PLA2G2D: variants seen among roughly 807,000 people sequenced by gnomAD.
PLA2G2D encodes the protein phospholipase A2 group IID, also known as group IID secretory phospholipase A2.
A neutral mutation model predicts 13.9 loss-of-function variants in PLA2G2D; 17 were observed. The ratio of observed to expected loss-of-function variants is 1.23; its 90% CI spans 0.84 to 1.84. PLA2G2D has a LOEUF of 1.84. PLA2G2D is among the 40% of genes most tolerant of loss of function. The pLI, the probability that PLA2G2D is intolerant of heterozygous loss-of-function variation, is 0.00. For missense variants in PLA2G2D, 194 were observed against 178.7 expected (o/e 1.09, Z -0.49); for synonymous variants, 83 against 69.3 (o/e 1.20, Z -0.98).
At chr1:20,115,440 A>T in intron 3 of PLA2G2D, 67 bp downstream of exon 3, 1 of 896,860 alleles carries the variant, frequency 1.1e-6, no homozygotes, top group Non-Finnish European at 1.9e-6. Flanking sequence ...CTGTGCTGTG[A>T]AGGCAGTGGG....
At chr1:20,116,555 C>T (rs1177931626) in intron 1 of PLA2G2D, 78 bp from the exon 2 acceptor site, 1 of 1,357,672 alleles carries the variant, frequency 7.4e-7, no homozygotes, top group Non-Finnish European at 1.1e-6. Context: ...GACGGCACCT[C>T]TGCTCTGCCC....
rs943097402 is a variant in PLA2G2D, at chr1:20,113,569, A to T, written c.*545T>A. 1.3e-5 allele frequency: 2 copies of T among 151,928 alleles called. No homozygotes were observed. Among genetic ancestry groups the T allele is most frequent in the Non-Finnish European group, 1.5e-5 (1 of 68,112 alleles). 9.4% of individuals were successfully genotyped at this position (151,928 alleles called of 1,614,324 possible). Reference sequence around the variant, plus strand: ...GGGCACCAGGGATGCAACTGAGTTTAAGACAGGCATGGCCTCCACCTGCAG... The same window carrying T: ...GGGCACCAGGGATGCAACTGAGTTTTAGACAGGCATGGCCTCCACCTGCAG... On this transcript the variant is annotated 3_prime_UTR_variant, in exon 4 of 4. Transcript: ENST00000375105.
chr1:20,113,977 G>A lies in PLA2G2D; in HGVS notation c.*137C>T. On this transcript the variant is annotated 3_prime_UTR_variant, in exon 4 of 4. Transcript: ENST00000375105. ...TCGGAAAGCTTCAGAAGGTCAGAAGGCATTGGTAGAGGGTTCCGGGGGAGG... is the reference window on the plus strand; with the variant it reads ...TCGGAAAGCTTCAGAAGGTCAGAAGACATTGGTAGAGGGTTCCGGGGGAGG... 1.5e-6 allele frequency: 1 copy of A among 687,038 alleles called. No individual in the cohort carries two copies. Among genetic ancestry groups the A allele is most frequent in the Non-Finnish European group, 2.5e-6 (1 of 403,028 alleles). 42.6% of individuals were successfully genotyped at this position (687,038 alleles called of 1,614,324 possible). A position where few individuals can be genotyped will look rare whatever the true frequency, so the allele number is the denominator to read the frequency against.
chr1:20,115,607 G>A lies in PLA2G2D; in HGVS notation c.192C>T (p.Cys64=). 2 of 1,604,682 alleles carry A rather than the reference G, an allele frequency of 1.2e-6. No homozygotes were observed. The highest frequency in any genetic ancestry group is 1.7e-6 in the Non-Finnish European group (2 of 1,171,560). The stretch of plus-strand genomic sequence containing the variant: ...GGTCATAGCAGCAGTCATGGGTCTG[G>A]CAGCACCTGGAGCAGACAGGGTGCA... ...GQPKDATDWC[C]QTHDCCYDHL... is the part of the protein sequence containing the mutation. Residue 64 remains cysteine (C), a synonymous_variant, in exon 3 of 4, where the codon TGC becomes TGT. Transcript: ENST00000375105.
chr1:20,119,435 G>T (rs1259225010), intron 1 of PLA2G2D, 24 bp downstream of exon 1: 6 of 1,607,148 alleles, frequency 3.7e-6, no homozygotes, highest in Non-Finnish European at 5.1e-6. Context: ...TCCCTTCCCA[G>T]CCTGGGTCCC....
At chr1:20,115,974 G>A (rs575155460) in intron 2 of PLA2G2D, among the ~76,000 whole-genome samples, 20 of 152,208 alleles carry the variant, frequency 1.3e-4, no homozygotes, top group African/African-American at 3.6e-4. Flanking sequence ...GGCTCTCACC[G>A]CTCCTCTAGC....
In PLA2G2D at chr1:20,113,857, T is replaced by G; in HGVS notation, c.*257A>C. The G allele has an allele frequency of 4.9e-6, 2 of 405,014 alleles. No individual in the cohort carries two copies. Among genetic ancestry groups the G allele is most frequent in the Non-Finnish European group, 8.9e-6 (2 of 225,790 alleles). The allele number at this position is 405,014 out of a possible 1,614,324, so 25.1% of individuals were successfully genotyped here. A position where few individuals can be genotyped will look rare whatever the true frequency, so the allele number is the denominator to read the frequency against. On this transcript the variant is annotated 3_prime_UTR_variant, in exon 4 of 4. Transcript: ENST00000375105. ...CCCCTCCCCCACCCCGATGCTTTGG[T>G]CCAAACACCACCTCTGAGGGCTCCC...
intron 3 of PLA2G2D, among the ~76,000 whole-genome samples, 187 bp from the exon 4 acceptor site, chr1:20,114,446 G>A (rs2016943327): frequency 6.6e-6 from 1 of 152,200 alleles, no homozygotes; most frequent in African/African-American, 2.4e-5. Flanking sequence ...TGCACCTTCA[G>A]TTATTTATTC....
In PLA2G2D at chr1:20,118,667, G is replaced by A. The variant is rs531607783; in HGVS notation, c.40+792C>T. 2.0e-5 allele frequency among the ~76,000 whole-genome samples: 3 copies of A among 152,328 alleles called. No individual in the cohort carries two copies. In the South Asian group the frequency reaches 6.2e-4, roughly 32 times the overall value. ...AGGGGGTTGTACCCATTTTACAGATGAGGATATTGAAAGGTTTGGTGATTT... is the reference window on the plus strand; with the variant it reads ...AGGGGGTTGTACCCATTTTACAGATAAGGATATTGAAAGGTTTGGTGATTT... On this transcript the variant is annotated intron_variant, in intron 1 of 3. Coordinates refer to ENST00000375105, the MANE Select transcript of PLA2G2D (RefSeq NM_012400.4).
Position 20,114,002 on chromosome 1 carries a change from G to C in PLA2G2D, c.*112C>G. 1 of 952,708 alleles carries C rather than the reference G, an allele frequency of 1.0e-6. No homozygotes were observed. Among genetic ancestry groups the C allele is most frequent in the African/African-American group, 1.6e-5 (1 of 60,766 alleles). The allele number at this position is 952,708 out of a possible 1,614,324, so 59.0% of individuals were successfully genotyped here. A position where few individuals can be genotyped will look rare whatever the true frequency, so the allele number is the denominator to read the frequency against. The stretch of plus-strand genomic sequence containing the variant: ...GCATTGGTAGAGGGTTCCGGGGGAG[G>C]CTGGGACTACCTCCCCCCGGAGTGT... On this transcript the variant is annotated 3_prime_UTR_variant, in exon 4 of 4. Coordinates refer to ENST00000375105, the MANE Select transcript of PLA2G2D (RefSeq NM_012400.4).
chr1:20,115,737 C>T (rs1007848160), intron 2 of PLA2G2D, 124 bp from the exon 3 acceptor site: 2 of 699,578 alleles, frequency 2.9e-6, no homozygotes, highest in South Asian at 3.1e-5. Flanking sequence ...GGGCTGCAGT[C>T]TTCCTCAGGA....
rs2016938472 is a variant in PLA2G2D, at chr1:20,114,212, C to T, written c.340G>A (p.Glu114Lys). 2.5e-6 allele frequency: 4 copies of T among 1,613,974 alleles called. No individual in the cohort carries two copies. Among genetic ancestry groups the T allele is most frequent in the Non-Finnish European group, 3.4e-6 (4 of 1,179,988 alleles). ...TTGCGCTTCAGGCAGAAGGCCACCTCCTTGTCACAGGCACACAGCTGCTGC... is the reference window on the plus strand; with the variant it reads ...TTGCGCTTCAGGCAGAAGGCCACCTTCTTGTCACAGGCACACAGCTGCTGC... Reference protein sequence around the residue: ...CEQQLCACDKEVAFCLKRNLD... With the variant: ...CEQQLCACDKKVAFCLKRNLD... The change falls in exon 4 of 4, where the codon GAG (glutamate) becomes AAG (lysine). Residue 114 changes from glutamate (E) to lysine (K), a missense_variant. Glu to Lys is a moderately conservative substitution (Grantham distance 56). Coordinates refer to ENST00000375105, the MANE Select transcript of PLA2G2D (RefSeq NM_012400.4).
At chr1:20,119,355 C>G in intron 1 of PLA2G2D, 104 bp downstream of exon 1, 1 of 1,022,596 alleles carries the variant, frequency 9.8e-7, no homozygotes, top group Non-Finnish European at 1.6e-6. Context: ...GGGGGCCAGG[C>G]TCCTGGGGAT....
chr1:20,115,852 T>C (rs1341619524), intron 2 of PLA2G2D, among the ~76,000 whole-genome samples: 1 of 152,202 alleles, frequency 6.6e-6, no homozygotes, highest in Non-Finnish European at 1.5e-5. Context: ...GAGGTACTCA[T>C]ATTATCCGCT....
In PLA2G2D at chr1:20,119,483, G is replaced by A; in HGVS notation, c.16C>T (p.Leu6=). 1 of 1,613,876 alleles carries A rather than the reference G, an allele frequency of 6.2e-7. No individual in the cohort carries two copies. Among genetic ancestry groups the A allele is most frequent in the Non-Finnish European group, 8.5e-7 (1 of 1,179,856 alleles). Residue 6 remains leucine, a synonymous_variant, in exon 1 of 4, where the codon CTG becomes TTG. Coordinates refer to ENST00000375105, the MANE Select transcript of PLA2G2D (RefSeq NM_012400.4). The part of the protein sequence containing the change: MELAL[L]CGLVVMAGVI... ...CCAGCCATCACCACCAGCCCACACA[G>A]CAGTGCAAGTTCCATGATCCCAGCA...
rs1489500972 is a variant in PLA2G2D at position 20,116,459 on chromosome 1, C to T, written c.59G>A (p.Gly20Asp). ...VVMAGVIPIQ[G>D]GILNLNKMVK... ...CATCTTGTTCAGGTTCAGGATCCCG[C>T]CCTGGATTGGAATCACACCTGCCAA... Residue 20 changes from glycine to aspartate, a missense_variant, in exon 2 of 4, where the codon GGC (glycine) becomes GAC (aspartate). By Grantham distance (94) the Gly-to-Asp change is moderately conservative (BLOSUM62 -1). Coordinates refer to ENST00000375105, the MANE Select transcript of PLA2G2D (RefSeq NM_012400.4). The T allele has an allele frequency of 1.2e-6, 2 of 1,614,094 alleles. No individual in the cohort carries two copies.
chr1:20,117,734 G>T (rs1557768325), intron 1 of PLA2G2D, among the ~76,000 whole-genome samples: 1 of 152,140 alleles, frequency 6.6e-6, no homozygotes, highest in Non-Finnish European at 1.5e-5. Flanking sequence ...AGACTGGGCT[G>T]GGCAGCCCCT....
At chr1:20,116,685 A>C (rs1182371723) in intron 1 of PLA2G2D, among the ~76,000 whole-genome samples, 1 of 152,076 alleles carries the variant, frequency 6.6e-6, no homozygotes, top group Admixed American at 6.5e-5. Context: ...ACTTTGGGAG[A>C]CAAAGTCTTG....
rs1304424128 is a variant in PLA2G2D, at chr1:20,116,229, AC to A, written c.185+103del. ...GTATTTAGCACATAGTAGATGCTCAACAAAATGGATTCAACTCAACTAAATG... is the reference window on the plus strand; with the variant it reads ...GTATTTAGCACATAGTAGATGCTCAAAAAATGGATTCAACTCAACTAAATG... On this transcript the variant is annotated intron_variant, in intron 2 of 3. Transcript: ENST00000375105. The A allele has an allele frequency of 4.9e-6, 6 of 1,215,170 alleles. No homozygotes were observed. The Admixed American group carries it at 1.0e-4, about 21-fold the overall frequency. The allele number at this position is 1,215,170 out of a possible 1,614,324, so 75.3% of individuals were successfully genotyped here. A position where few individuals can be genotyped will look rare whatever the true frequency, so the allele number is the denominator to read the frequency against.
Sources: allele counts gnomAD v4.1 joint callset (sites outside exome capture counted in the v4.1 genomes callset), GRCh38; gene constraint gnomAD v4.1.1; transcripts MANE v1.5; gene names NCBI Gene and HGNC (gene_info 2026-07-23, HGNC 2026-07-21).